PPAT: variants seen among roughly 807,000 people sequenced by gnomAD.
PPAT encodes amidophosphoribosyltransferase.
In PPAT, 20 loss-of-function variants were observed where a neutral mutation model predicts 60.2. The observed-to-expected ratio is 0.33, with a 90% CI of 0.23 to 0.48. PPAT has a LOEUF of 0.48. PPAT is among the 20% of genes least tolerant of loss of function. The pLI is 0.99. For synonymous variants in PPAT, 194 were observed against 215.1 expected, an observed-to-expected ratio of 0.90 and a Z score of 0.86; for missense variants, 349 against 629.6, an observed-to-expected ratio of 0.55 and a Z score of 4.77.
intron 9 of PPAT, 109 bp downstream of exon 9, chr4:56,399,070 T>G (rs1234331742): frequency 5.4e-6 from 5 of 929,652 alleles, no homozygotes; most frequent in East Asian, 5.1e-5. Context: ...ATAAAAAAAG[T>G]TAATTTATTA....
chr4:56,407,596 G>C, intron 2 of PPAT, 54 bp downstream of exon 2: 1 of 1,420,206 alleles, frequency 7.0e-7, no homozygotes, highest in Non-Finnish European at 1.0e-6. Flanking sequence ...GGGATTACAG[G>C]CATGAACCAC....
chr4:56,419,748 C>T (rs1210018270), intron 1 of PPAT: 25 of 984,242 alleles, frequency 2.5e-5, no homozygotes, highest in Non-Finnish European at 2.9e-5. Context: ...AAGCATACAA[C>T]GACAACTAGA....
At chr4:56,424,541 T>G (rs1717195825) in intron 1 of PPAT, among the ~76,000 whole-genome samples, 1 of 151,588 alleles carries the variant, frequency 6.6e-6, no homozygotes, top group Admixed American at 6.5e-5. Flanking sequence ...CGGAGAAGAA[T>G]CATAGACTGC....
intron 1 of PPAT, among the ~76,000 whole-genome samples, chr4:56,418,020 G>T (rs375908290): frequency 6.6e-6 from 1 of 151,972 alleles, no homozygotes; most frequent in East Asian, 1.9e-4. Context: ...TGTATTTTCA[G>T]TAAATACAGG....
chr4:56,425,723 G>A (rs185260367), intron 1 of PPAT, among the ~76,000 whole-genome samples: 4 of 152,150 alleles, frequency 2.6e-5, no homozygotes, highest in African/African-American at 4.8e-5. Flanking sequence ...GAAAAAGACC[G>A]ACCATGTGAT....
At chr4:56,400,968 TATTC>T (rs1716093598) in intron 7 of PPAT, 57 bp from the exon 8 acceptor site, 1 of 1,513,836 alleles carries the variant, frequency 6.6e-7, no homozygotes, top group African/African-American at 1.4e-5. Flanking sequence ...ATAACAGTGT[TATTC>T]TAAAAAACTA....
chr4:56,427,757 CT>C (rs1249606219), intron 1 of PPAT, among the ~76,000 whole-genome samples: 1 of 152,102 alleles, frequency 6.6e-6, no homozygotes, highest in Non-Finnish European at 1.5e-5. Context: ...TGCCTTCCCC[CT>C]GTCACCCCCT....
chr4:56,397,483 C>T (rs1439692481), intron 9 of PPAT, among the ~76,000 whole-genome samples: 1 of 152,076 alleles, frequency 6.6e-6, no homozygotes, highest in East Asian at 1.9e-4. Context: ...TGGCATGCTG[C>T]TTTTCATCCC....
At chr4:56,422,674 G>A (rs1717101901) in intron 1 of PPAT, 1 of 152,110 alleles carries the variant, frequency 6.6e-6, no homozygotes, top group Non-Finnish European at 1.5e-5. Context: ...GGTCATGAGA[G>A]TGGTGCCCTC....
At chr4:56,401,957 G>A (rs1716123006) in intron 6 of PPAT, 152 bp downstream of exon 6, 1 of 559,794 alleles carries the variant, frequency 1.8e-6, no homozygotes, top group Non-Finnish European at 3.0e-6. Flanking sequence ...TGCAACTGCT[G>A]AGCATAACAT....
chr4:56,431,272 AAAGT>A (rs766284527), intron 1 of PPAT: 4 of 179,878 alleles, frequency 2.2e-5, no homozygotes, highest in Non-Finnish European at 3.2e-5. Flanking sequence ...TTGGCAGCCC[AAAGT>A]AAGTTCTCTG....
intron 3 of PPAT, among the ~76,000 whole-genome samples, chr4:56,405,527 G>A (rs1320580223): frequency 6.6e-6 from 1 of 152,190 alleles, no homozygotes; most frequent in Non-Finnish European, 1.5e-5. Flanking sequence ...TGGACCCCCA[G>A]GGAAGGGGAC....
At chr4:56,419,492 G>A (rs895436613) in intron 1 of PPAT, 6 of 176,154 alleles carry the variant, frequency 3.4e-5, no homozygotes, top group Non-Finnish European at 4.4e-5. Context: ...GAAAAGCTAA[G>A]CTATGATTTG....
intron 9 of PPAT, among the ~76,000 whole-genome samples, chr4:56,398,377 T>G (rs576538001): frequency 6.6e-6 from 1 of 152,092 alleles, no homozygotes; most frequent in African/African-American, 2.4e-5. Context: ...CTTTAACAAA[T>G]ACATTTTAAA....
intron 3 of PPAT, among the ~76,000 whole-genome samples, chr4:56,403,829 A>C (rs1302471257): frequency 2.6e-5 from 4 of 152,210 alleles, no homozygotes; most frequent in Admixed American, 6.5e-5. Flanking sequence ...TAAGGAGAGC[A>C]CAACCTGGAT....
At chr4:56,404,435 C>T (rs1228563289) in intron 3 of PPAT, among the ~76,000 whole-genome samples, 1 of 152,158 alleles carries the variant, frequency 6.6e-6, no homozygotes, top group African/African-American at 2.4e-5. Flanking sequence ...TAATAAATAT[C>T]GCTTGAGTGT....
chr4:56,410,030 C>T (rs4864583), intron 1 of PPAT, among the ~76,000 whole-genome samples: 28,154 of 151,994 alleles, frequency 0.19, 2,900 homozygotes, highest in Admixed American at 0.32. Context: ...CCATATGGGA[C>T]TAAATAAATT....
chr4:56,432,997 T>TA (rs1560652377), intron 1 of PPAT, among the ~76,000 whole-genome samples: 23 of 148,506 alleles, frequency 1.5e-4, no homozygotes, highest in African/African-American at 5.7e-4. Context: ...CACACGTATT[T>TA]TATATATATA....
intron 6 of PPAT, 113 bp from the exon 7 acceptor site, chr4:56,401,594 C>T (rs1716113845): frequency 1.1e-6 from 1 of 950,444 alleles, no homozygotes; most frequent in Non-Finnish European, 1.6e-6. Context: ...ACAATTGATT[C>T]ATTCAATATA....
Sources: gnomAD v4.1 joint callset for allele counts (sites outside exome capture counted in the v4.1 genomes callset) on GRCh38, gnomAD v4.1.1 for gene constraint, MANE v1.5 for transcripts, NCBI Gene and HGNC (gene_info 2026-07-23, HGNC 2026-07-21) for gene names.